PNPLA1: variants seen among roughly 807,000 people sequenced by gnomAD.
The protein encoded by PNPLA1 is omega-hydroxyceramide transacylase.
Under a neutral mutation model 51.7 loss-of-function variants are expected in PNPLA1, and 36 were observed. That is an observed-to-expected ratio of 0.70 (90% CI 0.53 to 0.92). The LOEUF is 0.92. Among genes scored for constraint, PNPLA1 ranks in the 40% least tolerant of loss-of-function variants. The pLI, the probability that PNPLA1 is intolerant of heterozygous loss-of-function variation, is 0.00. For missense variants in PNPLA1, 658 were observed against 682.5 expected, an observed-to-expected ratio of 0.96 and a Z score of 0.40; for synonymous variants, 293 against 280.1, an observed-to-expected ratio of 1.05 and a Z score of -0.46.
chr6:36,256,663 G>A (rs367849096), intron 1 of PNPLA1, among the ~76,000 whole-genome samples: 4 of 152,168 alleles, frequency 2.6e-5, no homozygotes, highest in African/African-American at 9.6e-5. Context: ...AGCCAGGATG[G>A]TCTCGACCTC....
intron 8 of PNPLA1, among the ~76,000 whole-genome samples, chr6:36,309,483 G>A (rs1771340112): frequency 6.6e-6 from 1 of 152,178 alleles, no homozygotes; most frequent in Non-Finnish European, 1.5e-5. Context: ...CTATCTGGAA[G>A]CCAAGCCCAG....
chr6:36,290,395 G>T (rs1770639069), intron 1 of PNPLA1, among the ~76,000 whole-genome samples: 1 of 152,158 alleles, frequency 6.6e-6, no homozygotes, highest in Admixed American at 6.5e-5. Context: ...CAGGAGCCTG[G>T]GCTCTGGGGT....
chr6:36,280,967 T>A (rs1432335321), intron 1 of PNPLA1, among the ~76,000 whole-genome samples: 1 of 152,156 alleles, frequency 6.6e-6, no homozygotes, highest in Non-Finnish European at 1.5e-5. Context: ...TTTTTAAAAT[T>A]TTTTTTGTAA....
chr6:36,256,200 G>C (rs938655792), intron 1 of PNPLA1, among the ~76,000 whole-genome samples: 1 of 152,024 alleles, frequency 6.6e-6, no homozygotes, highest in African/African-American at 2.4e-5. Flanking sequence ...ACTTTAAAAA[G>C]ATGTGGTCAG....
At chr6:36,299,397 T>C (rs946279083) in intron 5 of PNPLA1, among the ~76,000 whole-genome samples, 3 of 149,334 alleles carry the variant, frequency 2.0e-5, no homozygotes, top group South Asian at 2.2e-4. Flanking sequence ...TGCAGTGGCA[T>C]GATCTCGGCT....
intron 1 of PNPLA1, among the ~76,000 whole-genome samples, chr6:36,282,081 GAAAGAAA>G (rs1770310127): frequency 4.6e-5 from 6 of 129,542 alleles, no homozygotes; most frequent in South Asian, 2.7e-4. Context: ...AAGAAAGAAA[GAAAGAAA>G]GAAGGAAGGA....
rs1432681578 is a variant in PNPLA1 at position 36,291,321 on chromosome 6, T to C, written c.207T>C (p.Asp69=). The stretch of plus-strand genomic sequence containing the variant: ...CCCTCTTCTCTGCTTCCTTTGCAGA[T>C]GAGTATCTCAGAGTCCTCAACGTGG... The part of the protein sequence containing the change: ...AALAICGIEM[D]EYLRVLNVGV... Residue 69 remains aspartate, a splice_region_variant and synonymous_variant, in exon 2 of 9, where the codon GAT becomes GAC. Transcript: ENST00000636260. 6.2e-7 allele frequency: 1 copy of C among 1,613,304 alleles called. No homozygotes were observed. Among genetic ancestry groups the C allele is most frequent in the Non-Finnish European group, 8.5e-7 (1 of 1,179,490 alleles).
chr6:36,287,951 G>A (rs989303727), intron 1 of PNPLA1, among the ~76,000 whole-genome samples: 2 of 152,184 alleles, frequency 1.3e-5, no homozygotes, highest in African/African-American at 4.8e-5. Context: ...TTTCCAGATA[G>A]CACCATTTTC....
chr6:36,309,588 C>A (rs760363981), intron 8 of PNPLA1, among the ~76,000 whole-genome samples: 1 of 152,188 alleles, frequency 6.6e-6, no homozygotes, highest in Non-Finnish European at 1.5e-5. Flanking sequence ...GGTTAACAAA[C>A]CTTCTGGGAA....
intron 1 of PNPLA1, among the ~76,000 whole-genome samples, chr6:36,271,527 C>T (rs1485577200): frequency 6.6e-6 from 1 of 152,062 alleles, no homozygotes; most frequent in Non-Finnish European, 1.5e-5. Flanking sequence ...AGTGTGAGGT[C>T]GGGAAGTGAT....
chr6:36,304,998 T>C (rs1263591246), intron 6 of PNPLA1, among the ~76,000 whole-genome samples: 3 of 152,160 alleles, frequency 2.0e-5, no homozygotes, highest in Non-Finnish European at 4.4e-5. Flanking sequence ...GTCAATAGCA[T>C]GTACTGAGAT....
Position 36,294,476 on chromosome 6 carries a change from C to A in PNPLA1, c.714+77C>A. ...GTGGGGTTAGAGAGCCACTGGGGCC[C>A]ACTCAAGTTCCATCTGAGTCTCCTC... On this transcript the variant is annotated intron_variant, in intron 4 of 8. Transcript: ENST00000636260. This position sits in a 1 kb window ranked among gnomAD's most constrained non-coding sequence, Gnocchi z 4.2. The A allele has an allele frequency of 7.3e-7, 1 of 1,367,252 alleles. No individual in the cohort carries two copies. Among genetic ancestry groups the A allele is most frequent in the Non-Finnish European group, 1.0e-6 (1 of 974,958 alleles). 84.7% of individuals were successfully genotyped at this position (1,367,252 alleles called of 1,614,324 possible).
At chr6:36,278,291 C>A (rs1359472211) in intron 1 of PNPLA1, among the ~76,000 whole-genome samples, 1 of 152,196 alleles carries the variant, frequency 6.6e-6, no homozygotes, top group African/African-American at 2.4e-5. Context: ...CCTTGATAAA[C>A]TCCTGGTGTT....
chr6:36,311,172 A>C (rs1771400651), intron 8 of PNPLA1, among the ~76,000 whole-genome samples: 1 of 152,242 alleles, frequency 6.6e-6, no homozygotes. Context: ...TGACTGATGC[A>C]CGCTGGAGTT....
chr6:36,309,573 A>G (rs1282160714), intron 8 of PNPLA1, among the ~76,000 whole-genome samples: 1 of 152,212 alleles, frequency 6.6e-6, no homozygotes, highest in Non-Finnish European at 1.5e-5. Context: ...AGCAAGAGCC[A>G]CTTTGGTTAA....
Position 36,243,562 on chromosome 6 carries a change from G to A in PNPLA1, c.-81+301G>A, listed in dbSNP as rs543773378. ...AATTCAGATGCGCACTTGTGTTTGA[G>A]AATTGCTATTTTCATCTGAGGAAGG... On this transcript the variant is annotated intron_variant, in intron 1 of 7. Transcript: ENST00000312917. 3.9e-5 allele frequency among the ~76,000 whole-genome samples: 6 copies of A among 152,334 alleles called. No individual in the cohort carries two copies. The South Asian group carries it at 1.0e-3, about 26-fold the overall frequency.
intron 6 of PNPLA1, among the ~76,000 whole-genome samples, chr6:36,306,089 G>A (rs889170098): frequency 1.3e-5 from 2 of 152,144 alleles, no homozygotes; most frequent in African/African-American, 2.4e-5. Context: ...CCAAGGGTCC[G>A]AGTCAGCCGC....
intron 2 of PNPLA1, among the ~76,000 whole-genome samples, chr6:36,292,380 G>C (rs1369902840): frequency 6.6e-6 from 1 of 151,712 alleles, no homozygotes; most frequent in South Asian, 2.1e-4. Flanking sequence ...ACTGCCCACT[G>C]CTGCAGTTTT....
chr6:36,311,162 T>C (rs925421692), intron 8 of PNPLA1, among the ~76,000 whole-genome samples: 4 of 152,210 alleles, frequency 2.6e-5, no homozygotes, highest in African/African-American at 9.7e-5. Flanking sequence ...GTCCACCAGA[T>C]GACTGATGCA....
Sources: allele counts gnomAD v4.1 joint callset (sites outside exome capture counted in the v4.1 genomes callset), GRCh38; gene constraint gnomAD v4.1.1; non-coding constraint Gnocchi (gnomAD v3.1); transcripts MANE v1.5; gene names NCBI Gene and HGNC (gene_info 2026-07-23, HGNC 2026-07-21).